TPO: variants seen among roughly 807,000 people sequenced by gnomAD.
TPO encodes the protein thyroid peroxidase.
In TPO, 78 loss-of-function variants were observed where a neutral mutation model predicts 96.9. The ratio of observed to expected loss-of-function variants is 0.81; its 90% CI spans 0.67 to 0.97. The LOEUF is 0.97. TPO is among the 50% of genes least tolerant of loss of function. The pLI, the probability that TPO is intolerant of heterozygous loss-of-function variation, is 0.00. For synonymous variants in TPO, 547 were observed against 538.0 expected (o/e 1.02, Z -0.23); for missense variants, 1,252 against 1,274.8 (o/e 0.98, Z 0.27).
intron 5 of TPO, 50 bp downstream of exon 5, chr2:1,436,434 A>T: frequency 6.2e-7 from 1 of 1,613,018 alleles, no homozygotes; most frequent in Non-Finnish European, 8.5e-7. Context: ...GGATCTGAAC[A>T]TGACTAGATG....
chr2:1,490,461 C>T (rs10205550), intron 10 of TPO, among the ~76,000 whole-genome samples: 1,790 of 137,954 alleles, frequency 0.013, no homozygotes, highest in African/African-American at 0.05. Flanking sequence ...GTGTAAGAGC[C>T]GCCACGAGGG....
chr2:1,378,689 G>A (rs528684664), intron 1 of TPO, among the ~76,000 whole-genome samples: 85 of 152,362 alleles, frequency 5.6e-4, no homozygotes, highest in African/African-American at 1.6e-3. Context: ...CATGTGGCCC[G>A]TGCTGGTGTG....
intron 15 of TPO, among the ~76,000 whole-genome samples, chr2:1,535,337 T>G (rs1573638979): frequency 4.1e-5 from 2 of 48,304 alleles, no homozygotes; most frequent in Non-Finnish European, 7.5e-5. Flanking sequence ...CCCCCCACTG[T>G]ATGCAACCTA....
intron 15 of TPO, among the ~76,000 whole-genome samples, chr2:1,536,811 C>T (rs1326797263): frequency 1.8e-5 from 2 of 113,836 alleles, no homozygotes; most frequent in Non-Finnish European, 3.8e-5. Context: ...GCAACCTCCC[C>T]AAATCCCCCC....
intron 15 of TPO, among the ~76,000 whole-genome samples, chr2:1,527,580 C>A (rs1449650314): frequency 6.7e-6 from 1 of 149,482 alleles, no homozygotes; most frequent in Non-Finnish European, 1.5e-5. Flanking sequence ...CTGTGTGCAA[C>A]CTCCTCACAT....
At chr2:1,436,184 C>A (rs1047046061) in intron 4 of TPO, 68 bp from the exon 5 acceptor site, 1 of 1,612,116 alleles carries the variant, frequency 6.2e-7, no homozygotes, top group African/African-American at 1.3e-5. Flanking sequence ...TTTGAGACTG[C>A]AATAGAATAT....
chr2:1,509,192 G>A (rs893804598), intron 14 of TPO, among the ~76,000 whole-genome samples: 3 of 152,160 alleles, frequency 2.0e-5, no homozygotes, highest in Admixed American at 6.5e-5. Context: ...GTAGTTGAGC[G>A]GTTTTGAGTG....
At chr2:1,438,958 C>T in intron 5 of TPO, 1 of 684,638 alleles carries the variant, frequency 1.5e-6, no homozygotes, top group Non-Finnish European at 2.7e-6. Context: ...ACCTGCAAAG[C>T]CTGCCCCTGG....
chr2:1,456,650 C>T (rs1275771499), intron 7 of TPO, among the ~76,000 whole-genome samples: 1 of 122,250 alleles, frequency 8.2e-6, no homozygotes, highest in Non-Finnish European at 1.8e-5. Flanking sequence ...TGTGGGTACA[C>T]ATATATATAG....
At chr2:1,539,862 A>T (rs1483550812) in intron 15 of TPO, among the ~76,000 whole-genome samples, 1 of 137,364 alleles carries the variant, frequency 7.3e-6, no homozygotes, top group African/African-American at 2.8e-5. Flanking sequence ...CCAGCAGCTC[A>T]GTATTTGGGG....
In TPO at chr2:1,543,655, AAAC is replaced by A. The variant is rs1680948124; in HGVS notation, c.*1184_*1186del. 1 of 150,690 alleles carries A rather than the reference AAAC, an allele frequency of 6.6e-6. No individual in the cohort carries two copies. The highest frequency in any genetic ancestry group is 1.5e-5 in the Non-Finnish European group (1 of 66,994). 9.3% of individuals were successfully genotyped at this position (150,690 alleles called of 1,614,324 possible). On this transcript the variant is annotated 3_prime_UTR_variant, in exon 17 of 17. Coordinates refer to ENST00000329066, the MANE Select transcript of TPO (RefSeq NM_001206744.2). ...TGTAAAACTCATGATTTCATAATTA[AAAC>A]AATATTAAAATAAAACTCATGAATG...
At chr2:1,482,461 C>T (rs28591627) in intron 8 of TPO, among the ~76,000 whole-genome samples, 48,204 of 151,896 alleles carry the variant, frequency 0.32, 7,835 homozygotes, top group Admixed American at 0.36. Context: ...CTCTACATGG[C>T]ACCGCCAGCA....
chr2:1,512,244 TAGCC>T (rs1674223933), intron 14 of TPO: 1 of 278,418 alleles, frequency 3.6e-6, no homozygotes, highest in African/African-American at 2.3e-5. Context: ...TTCACCATGT[TAGCC>T]AGGATGTATT....
chr2:1,495,324 T>C (rs569507165), intron 11 of TPO, among the ~76,000 whole-genome samples: 6 of 152,328 alleles, frequency 3.9e-5, no homozygotes, highest in African/African-American at 1.4e-4. Flanking sequence ...GGGAGATGCA[T>C]GCTTTACGGC....
chr2:1,541,921 C>G (rs143151371), intron 16 of TPO: 1,851 of 171,902 alleles, frequency 0.011, 19 homozygotes, highest in East Asian at 0.019. Context: ...AGCCCAGGGT[C>G]GTTCTGCTGA....
intron 2 of TPO, among the ~76,000 whole-genome samples, chr2:1,418,434 A>T (rs896277274): frequency 6.6e-6 from 1 of 152,226 alleles, no homozygotes; most frequent in Non-Finnish European, 1.5e-5. Flanking sequence ...TGGGTGCAGG[A>T]GAGACTCTTG....
At chr2:1,507,025 A>G (rs1673538115) in intron 14 of TPO, among the ~76,000 whole-genome samples, 3 of 152,134 alleles carry the variant, frequency 2.0e-5, no homozygotes, top group South Asian at 2.1e-4. Context: ...TAGGTCTAAC[A>G]TGTAAGTCTT....
upstream of TPO, among the ~76,000 whole-genome samples, chr2:1,410,970 T>G (rs1024180773): frequency 1.3e-5 from 2 of 152,218 alleles, no homozygotes; most frequent in African/African-American, 4.8e-5. Context: ...TGACAGAGAC[T>G]GGGGGCTTCA....
chr2:1,375,934 A>G (rs1400246302), intron 1 of TPO, among the ~76,000 whole-genome samples: 2 of 152,130 alleles, frequency 1.3e-5, no homozygotes, highest in Admixed American at 1.3e-4. Context: ...CTCTAATGCT[A>G]TGCATGAGGG....
Sources: gnomAD v4.1 joint callset for allele counts (sites outside exome capture counted in the v4.1 genomes callset) on GRCh38, gnomAD v4.1.1 for gene constraint, MANE v1.5 for transcripts, NCBI Gene and HGNC (gene_info 2026-07-23, HGNC 2026-07-21) for gene names.